The following LRRC57 variants were observed in gnomAD, a reference collection of about 807,000 sequenced individuals.
LRRC57 encodes the protein leucine-rich repeat-containing protein 57.
A neutral mutation model predicts 23.1 loss-of-function variants in LRRC57; 14 were observed. The observed-to-expected ratio is 0.61, with a 90% CI of 0.40 to 0.95. LRRC57 has a LOEUF of 0.95. Ranked by LOEUF, LRRC57 falls within the 40% of genes least tolerant of loss-of-function variation. LRRC57 has a pLI of 0.00. For synonymous variants in LRRC57, 106 were observed against 115.2 expected (o/e 0.92, Z 0.51); for missense variants, 236 against 284.4 (o/e 0.83, Z 1.22).
intron 1 of LRRC57, 65 bp from the exon 2 acceptor site, chr15:42,548,521 T>C: frequency 3.0e-6 from 4 of 1,316,624 alleles, no homozygotes; most frequent in African/African-American, 1.5e-5. Context: ...CTGGGGCTCC[T>C]GCCCCAGCTC....
At position 42,545,099 on chromosome 15, in the gene LRRC57, C is replaced by T. The variant is rs373083935; in HGVS notation, c.656G>A (p.Arg219Gln). ...EGNLFEIKKL[R>Q]ELEGYDKYME... ...TACCTTATCATAGCCTTCCAGTTCT[C>T]GAAGTTTCTTTATTTCAAAAAGATT... Residue 219 changes from arginine to glutamine, a missense_variant, in exon 5 of 6, where the codon CGA becomes CAA. Arg to Gln is a conservative substitution (Grantham distance 43). Transcript: ENST00000397130. 2.2e-5 allele frequency: 35 copies of T among 1,600,266 alleles called. No homozygotes were observed. The highest frequency in any genetic ancestry group is 2.7e-5 in the African/African-American group (2 of 73,560).
chr15:42,539,602 A>G lies in LRRC57; in HGVS notation c.*4481T>C, dbSNP rs1487385749. On this transcript the variant is annotated 3_prime_UTR_variant, in exon 6 of 6. Transcript: ENST00000397130. ...CCAGTTTAAGACTAGCCCAGGCAAC[A>G]CAGCAAGATCTGTCGCAAAAAAAGA... is the stretch of plus-strand genomic sequence containing the variant. The G allele has an allele frequency of 6.6e-6, 1 of 151,954 alleles. No homozygotes were observed. Among genetic ancestry groups the G allele is most frequent in the African/African-American group, 2.4e-5 (1 of 41,372 alleles). The allele number at this position is 151,954 out of a possible 1,614,324, so 9.4% of individuals were successfully genotyped here.
At chr15:42,544,842 C>CTATATATATATATATA (rs143066320) in intron 5 of LRRC57, among the ~76,000 whole-genome samples, 5 of 98,022 alleles carry the variant, frequency 5.1e-5, no homozygotes, top group African/African-American at 2.0e-4. Flanking sequence ...CACACACACA[C>CTATATATATATATATA]TATATATATA....
At position 42,547,270 on chromosome 15, in the gene LRRC57, G is replaced by A. The variant is rs2057663098; in HGVS notation, c.483C>T (p.Asn161=). 1 of 1,614,028 alleles carries A rather than the reference G, an allele frequency of 6.2e-7. No homozygotes were observed. The highest frequency in any genetic ancestry group is 1.6e-4 in the Middle Eastern group (1 of 6,062). ...CCTTAAAGCTCTAGACCTGATTCTG[G>A]TTGAGGTTGAGTTCGATGACTTGCA... is the stretch of plus-strand genomic sequence containing the variant. The part of the protein sequence containing the change: ...GELQVIELNL[N]QNQISQISVK... The change falls in exon 4 of 6, where the codon AAC becomes AAT. Residue 161 remains asparagine, a synonymous_variant. Coordinates refer to ENST00000397130, the MANE Select transcript of LRRC57 (RefSeq NM_153260.3).
At chr15:42,537,360 C>G (rs547290210), downstream of LRRC57, among the ~76,000 whole-genome samples, 1 of 152,184 alleles carries the variant, frequency 6.6e-6, no homozygotes, top group Admixed American at 6.6e-5. Flanking sequence ...TGATCTCATT[C>G]CAGTTATCAT....
At position 42,538,864 on chromosome 15, in the gene LRRC57, T is replaced by C. The variant is rs2057613653; in HGVS notation, c.*5219A>G. ...GGCCCATAATTTTAATATACTACAT[T>C]GCCTTCCAAACCAAGCTGTAAAAAA... On this transcript the variant is annotated 3_prime_UTR_variant, in exon 6 of 6. Transcript: ENST00000397130. 1 of 152,192 alleles carries C rather than the reference T, an allele frequency of 6.6e-6. No homozygotes were observed. Among genetic ancestry groups the C allele is most frequent in the African/African-American group, 2.4e-5 (1 of 41,440 alleles). The allele number at this position is 152,192 out of a possible 1,614,324, so 9.4% of individuals were successfully genotyped here.
downstream of LRRC57, among the ~76,000 whole-genome samples, chr15:42,536,767 T>C (rs1191821266): frequency 6.6e-6 from 1 of 152,236 alleles, no homozygotes; most frequent in Non-Finnish European, 1.5e-5. Flanking sequence ...TAACACAAGC[T>C]CTGGAGTCTG....
chr15:42,547,163 C>T, intron 4 of LRRC57, 98 bp downstream of exon 4: 1 of 1,329,116 alleles, frequency 7.5e-7, no homozygotes, highest in South Asian at 1.4e-5. Flanking sequence ...TGATACTTAG[C>T]TCTATGATGG....
the LRRC57 span, among the ~76,000 whole-genome samples, chr15:42,528,672 G>A: frequency 6.6e-6 from 1 of 152,068 alleles, no homozygotes; most frequent in Non-Finnish European, 1.5e-5. Context: ...TGCAACCTCT[G>A]CCTCCCAGGT....
the LRRC57 span, chr15:42,531,428 G>T: frequency 6.3e-7 from 1 of 1,586,600 alleles, no homozygotes. Flanking sequence ...CACCAACAGA[G>T]ATCGTATTGA....
At chr15:42,535,866 T>C (rs542646494), downstream of LRRC57, among the ~76,000 whole-genome samples, 10 of 152,304 alleles carry the variant, frequency 6.6e-5, no homozygotes, top group South Asian at 2.1e-3. Flanking sequence ...ATTTCTCAAT[T>C]AAGTCTGCCA....
the LRRC57 span, chr15:42,531,578 A>G: frequency 4.7e-6 from 4 of 845,754 alleles, no homozygotes; most frequent in East Asian, 8.0e-5. Flanking sequence ...ACGCTCTTCT[A>G]ATTGGGAGAT....
chr15:42,544,098 CTTG>C lies in LRRC57; in HGVS notation c.702_704del (p.Lys237del). 1 of 1,613,344 alleles carries C rather than the reference CTTG, an allele frequency of 6.2e-7. No individual in the cohort carries two copies. The highest frequency in any genetic ancestry group is 8.5e-7 in the Non-Finnish European group (1 of 1,179,542). On this transcript the variant is annotated inframe_deletion, in exon 6 of 6. Transcript: ENST00000397130. ...CTGGAGAACTTCACGCAAACTTCTT[CTTG>C]GTGGCTGTGAACCTCTCCATGTACT... is the stretch of plus-strand genomic sequence containing the variant.
In LRRC57 at chr15:42,544,088, C is replaced by T. The variant is rs2057644534; in HGVS notation, c.715G>A (p.Ala239Thr). The change falls in exon 6 of 6, where the codon GCG becomes ACG. Residue 239 changes from alanine (A) to threonine (T), a missense_variant. Physicochemically the swap from Ala to Thr is moderately conservative, Grantham distance 58. Transcript: ENST00000397130. ...ERFTATKKKF[A>T] ...TTCCATAGTCCTGGAGAACTTCACG[C>T]AAACTTCTTCTTGGTGGCTGTGAAC... 1 of 1,613,156 alleles carries T rather than the reference C, an allele frequency of 6.2e-7. No homozygotes were observed. The highest frequency in any genetic ancestry group is 1.7e-5 in the Admixed American group (1 of 59,938).
chr15:42,539,497 A>AAAAAAAAAG lies in LRRC57; in HGVS notation c.*4585_*4586insCTTTTTTTT, dbSNP rs1317513073. 29 of 149,356 alleles carry AAAAAAAAAG rather than the reference A, an allele frequency of 1.9e-4. No homozygotes were observed. The highest frequency in any genetic ancestry group is 7.4e-5 in the Non-Finnish European group (5 of 67,538). The allele number at this position is 149,356 out of a possible 1,614,324, so 9.3% of individuals were successfully genotyped here. A position where few individuals can be genotyped will look rare whatever the true frequency, so the allele number is the denominator to read the frequency against. On this transcript the variant is annotated 3_prime_UTR_variant, in exon 6 of 6. Coordinates refer to ENST00000397130, the MANE Select transcript of LRRC57 (RefSeq NM_153260.3). The stretch of plus-strand genomic sequence containing the variant: ...TGTCTCAAAAAAAAAAAAAAAAAAA[A>AAAAAAAAAG]AGAGACTTAAAAGCCAGGCAGTGGC...
chr15:42,535,466 G>A (rs557022373), downstream of LRRC57, among the ~76,000 whole-genome samples: 1 of 144,972 alleles, frequency 6.9e-6, no homozygotes. Context: ...TTTTTTTTGA[G>A]ACAGAGTCTT....
At chr15:42,531,231 T>C in the LRRC57 span, among the ~76,000 whole-genome samples, 3 of 152,258 alleles carry the variant, frequency 2.0e-5, no homozygotes, top group Non-Finnish European at 2.9e-5. Flanking sequence ...GTCATGTTTA[T>C]ATACCAGGGG....
At chr15:42,548,301 C>G (rs201511788) in intron 2 of LRRC57, 50 bp downstream of exon 2, 2 of 1,613,804 alleles carry the variant, frequency 1.2e-6, no homozygotes, top group Admixed American at 3.3e-5. Flanking sequence ...TCGCCGCCCC[C>G]GCCGTCCCTC....
At chr15:42,533,942 G>A (rs2057586464), downstream of LRRC57, among the ~76,000 whole-genome samples, 1 of 152,094 alleles carries the variant, frequency 6.6e-6, no homozygotes, top group South Asian at 2.1e-4. Context: ...ACTTTACCAT[G>A]GGCCAGGCGC....
Sources: allele counts gnomAD v4.1 joint callset (sites outside exome capture counted in the v4.1 genomes callset), GRCh38; gene constraint gnomAD v4.1.1; transcripts MANE v1.5; gene names NCBI Gene and HGNC (gene_info 2026-07-23, HGNC 2026-07-21).